The following NOMO2 variants were observed in gnomAD, a reference collection of about 807,000 sequenced individuals.
NOMO2 encodes BOS complex subunit NOMO2.
Under a neutral mutation model 67.1 loss-of-function variants are expected in NOMO2, and 14 were observed. The observed-to-expected ratio is 0.21, with a 90% CI of 0.14 to 0.33. The LOEUF is 0.33. Among genes scored for constraint, NOMO2 ranks in the 10% least tolerant of loss-of-function variants. The pLI, the probability that NOMO2 is intolerant of heterozygous loss-of-function variation, is 1.00. For synonymous variants in NOMO2, 80 were observed against 305.9 expected (o/e 0.26, Z 7.71); for missense variants, 178 against 761.0 (o/e 0.23, Z 9.01).
chr16:18,526,588 A>G (rs1300359598), intron 16 of NOMO2, among the ~76,000 whole-genome samples: 2 of 151,694 alleles, frequency 1.3e-5, no homozygotes, highest in Admixed American at 1.3e-4. Context: ...GCAATGTAAC[A>G]GAACAAACTA....
chr16:18,560,489 C>T (rs1385088372), intron 1 of NOMO2, among the ~76,000 whole-genome samples: 1 of 151,568 alleles, frequency 6.6e-6, no homozygotes, highest in Non-Finnish European at 1.5e-5. Flanking sequence ...CCACCCTGAA[C>T]GTGTCCTGTC....
intron 1 of NOMO2, among the ~76,000 whole-genome samples, chr16:18,560,616 C>T (rs1472781819): frequency 2.0e-5 from 3 of 151,800 alleles, no homozygotes; most frequent in Non-Finnish European, 2.9e-5. Context: ...ACCTCTTCAG[C>T]CTGAAAAAGC....
intron 9 of NOMO2, among the ~76,000 whole-genome samples, chr16:18,541,828 T>G (rs1189673528): frequency 3.2e-5 from 4 of 123,894 alleles, no homozygotes; most frequent in African/African-American, 3.1e-5. Context: ...AGCCACACAG[T>G]GAGACCCTAT....
At chr16:18,554,068 C>T (rs1244432092) in intron 3 of NOMO2, among the ~76,000 whole-genome samples, 1 of 151,642 alleles carries the variant, frequency 6.6e-6, no homozygotes, top group African/African-American at 2.4e-5. Flanking sequence ...TCAAAACAGA[C>T]CCTCTCTTCT....
intron 1 of NOMO2, among the ~76,000 whole-genome samples, chr16:18,561,168 T>C (rs1212816598): frequency 2.4e-5 from 1 of 40,876 alleles, no homozygotes; most frequent in Non-Finnish European, 4.1e-5. Flanking sequence ...ACTTTACAAC[T>C]TAATTAAAAA....
chr16:18,539,618 G>A (rs1901503024), intron 9 of NOMO2, among the ~76,000 whole-genome samples: 1 of 151,960 alleles, frequency 6.6e-6, no homozygotes, highest in Admixed American at 6.6e-5. Context: ...TTAGCCAGGT[G>A]TGGTGGCAGG....
chr16:18,533,097 A>C lies in NOMO2; in HGVS notation c.1303T>G (p.Ser435Ala), dbSNP rs1901340478. The change falls in exon 12 of 31, where the codon TCT becomes GCT. Residue 435 changes from serine to alanine, a missense_variant. Transcript: ENST00000622306. ...ACCAAAGACTTGTCCTTGTCTTGAG[A>C]TGACAGGACAACTTTGTATTTATTC... ...QMNKYKVVLS[S>A]QDKDKSLVTV... 1.2e-6 allele frequency: 2 copies of C among 1,611,098 alleles called. No homozygotes were observed. Among genetic ancestry groups the C allele is most frequent in the Non-Finnish European group, 1.7e-6 (2 of 1,179,654 alleles).
At chr16:18,507,782 C>T (rs1373612356) in intron 28 of NOMO2, among the ~76,000 whole-genome samples, 1 of 518 alleles carries the variant, frequency 1.9e-3, no homozygotes, top group Admixed American at 0.011. Flanking sequence ...TTCATTATTT[C>T]GCAGCCATTT....
intron 6 of NOMO2, among the ~76,000 whole-genome samples, chr16:18,544,464 G>A (rs543325695): frequency 2.6e-4 from 39 of 152,088 alleles, no homozygotes; most frequent in Non-Finnish European, 4.7e-4. Context: ...AGGTTTCTCT[G>A]TACGTGTTGC....
intron 2 of NOMO2, among the ~76,000 whole-genome samples, chr16:18,556,731 C>T (rs983619783): frequency 6.6e-6 from 1 of 152,058 alleles, no homozygotes. Context: ...TATCGATGTG[C>T]ATGTGTGCTT....
chr16:18,526,201 A>C (rs1360906755), intron 16 of NOMO2, among the ~76,000 whole-genome samples: 1 of 152,054 alleles, frequency 6.6e-6, no homozygotes, highest in African/African-American at 2.4e-5. Flanking sequence ...GGAAAATGCA[A>C]AACAAAACCA....
At chr16:18,535,518 TAC>T (rs1280540008) in intron 11 of NOMO2, among the ~76,000 whole-genome samples, 2 of 152,176 alleles carry the variant, frequency 1.3e-5, no homozygotes, top group Non-Finnish European at 2.9e-5. Flanking sequence ...CTCCTCCATC[TAC>T]CCAGTGGCTC....
intron 15 of NOMO2, among the ~76,000 whole-genome samples, chr16:18,529,014 T>C (rs1596845201): frequency 9.8e-5 from 4 of 40,842 alleles, no homozygotes; most frequent in Non-Finnish European, 2.0e-4. Flanking sequence ...TATATATATA[T>C]ATATATATAT....
intron 9 of NOMO2, among the ~76,000 whole-genome samples, chr16:18,540,146 AG>A (rs1326674290): frequency 6.6e-5 from 10 of 150,730 alleles, no homozygotes; most frequent in Non-Finnish European, 1.5e-4. Flanking sequence ...TTTGAGATGA[AG>A]CTTTAAATAA....
intron 1 of NOMO2, 94 bp downstream of exon 1, chr16:18,561,782 C>T: frequency 7.0e-7 from 1 of 1,422,858 alleles, no homozygotes; most frequent in Non-Finnish European, 9.4e-7. Flanking sequence ...AAGGACTCCA[C>T]ACCGCCCGGT....
chr16:18,551,167 C>T (rs1170058507), intron 4 of NOMO2, among the ~76,000 whole-genome samples: 3 of 151,952 alleles, frequency 2.0e-5, no homozygotes, highest in Admixed American at 2.0e-4. Context: ...GAGCAAGACC[C>T]TGTCTCAAAA....
At chr16:18,539,578 G>A (rs1426295456) in intron 9 of NOMO2, among the ~76,000 whole-genome samples, 1 of 151,972 alleles carries the variant, frequency 6.6e-6, no homozygotes, top group Non-Finnish European at 1.5e-5. Context: ...CCAACATGGT[G>A]AAGCCCTGTC....
intron 5 of NOMO2, among the ~76,000 whole-genome samples, chr16:18,547,830 A>T (rs1196945402): frequency 1.3e-5 from 2 of 151,146 alleles, no homozygotes; most frequent in Non-Finnish European, 3.0e-5. Flanking sequence ...CTTTAGAGAA[A>T]CACAGATAAG....
At position 18,550,966 on chromosome 16, in the gene NOMO2, T is replaced by G. The variant is rs373955560; in HGVS notation, c.402+473A>C. On this transcript the variant is annotated intron_variant, in intron 4 of 30. Transcript: ENST00000622306. ...TGAGGTCAGGAGTTTGAGACCAGCC[T>G]GGCCAACACAGCAAAAGCCCATCTC... is the stretch of plus-strand genomic sequence containing the variant. Among the ~76,000 whole-genome samples, 17 of 151,488 alleles carry G rather than the reference T, an allele frequency of 1.1e-4. No individual in the cohort carries two copies. The East Asian group carries it at 2.3e-3, about 21-fold the overall frequency.
Sources: gnomAD v4.1 joint callset for allele counts (sites outside exome capture counted in the v4.1 genomes callset) on GRCh38, gnomAD v4.1.1 for gene constraint, MANE v1.5 for transcripts, NCBI Gene and HGNC (gene_info 2026-07-23, HGNC 2026-07-21) for gene names.